The following FOXN3 variants were observed in gnomAD, a reference collection of about 807,000 sequenced individuals.
FOXN3 encodes the protein forkhead box N3.
A neutral mutation model predicts 38.4 loss-of-function variants in FOXN3; 7 were observed. The ratio of observed to expected loss-of-function variants is 0.18; its 90% CI spans 0.10 to 0.34. The LOEUF (loss-of-function observed/expected upper bound fraction) is 0.34. Among genes scored for constraint, FOXN3 ranks in the 10% least tolerant of loss-of-function variants. FOXN3 has a pLI of 1.00. For synonymous variants in FOXN3, 230 were observed against 242.2 expected, an observed-to-expected ratio of 0.95 and a Z score of 0.47; for missense variants, 456 against 613.4, an observed-to-expected ratio of 0.74 and a Z score of 2.71.
At chr14:89,237,243 C>T (rs1455219887) in intron 4 of FOXN3, among the ~76,000 whole-genome samples, 1 of 152,166 alleles carries the variant, frequency 6.6e-6, no homozygotes, top group Non-Finnish European at 1.5e-5. Flanking sequence ...ACCCCTTCAA[C>T]ATTATTATCC....
intron 1 of FOXN3, among the ~76,000 whole-genome samples, chr14:89,429,995 C>T (rs1284187364): frequency 6.6e-6 from 1 of 152,136 alleles, no homozygotes; most frequent in Admixed American, 6.5e-5. Flanking sequence ...TTTTTTACTG[C>T]CTTTAATCAA....
At chr14:89,455,900 A>G (rs1892711700) in intron 1 of FOXN3, among the ~76,000 whole-genome samples, 2 of 152,226 alleles carry the variant, frequency 1.3e-5, no homozygotes, top group Admixed American at 1.3e-4. Context: ...ATGCCAGATT[A>G]AAAAGTAACC....
At chr14:89,398,320 C>T (rs1033896594) in intron 2 of FOXN3, among the ~76,000 whole-genome samples, 7 of 152,208 alleles carry the variant, frequency 4.6e-5, no homozygotes, top group African/African-American at 1.4e-4. Context: ...TATTACCAAA[C>T]CTCCTGATCT....
chr14:89,294,575 C>G (rs144363109), intron 3 of FOXN3, among the ~76,000 whole-genome samples: 1 of 152,120 alleles, frequency 6.6e-6, no homozygotes, highest in Non-Finnish European at 1.5e-5. Flanking sequence ...AGGAGGTCGG[C>G]ACAAGATGCA....
intron 1 of FOXN3, among the ~76,000 whole-genome samples, chr14:89,606,489 T>A (rs1411498892): frequency 6.6e-6 from 1 of 152,202 alleles, no homozygotes; most frequent in African/African-American, 2.4e-5. Flanking sequence ...AAGAGAATTA[T>A]AGGACTTCTC....
At position 89,342,886 on chromosome 14, in the gene FOXN3, T is replaced by TA. The variant is rs568216552; in HGVS notation, c.680+7785dup. ...AAGTGTATTGAATATGAGGGGCATT[T>TA]AAAAAACTATTTCGGGTTTCCATCA... On this transcript the variant is annotated intron_variant, in intron 3 of 5. Transcript: ENST00000557258. Among the ~76,000 whole-genome samples, 478 of 152,344 alleles carry TA rather than the reference T, an allele frequency of 3.1e-3. 1 individual carries two copies. The highest frequency in any genetic ancestry group is 9.7e-3 in the African/African-American group (404 of 41,586).
Position 89,511,149 on chromosome 14 carries a change from C to CT in FOXN3, c.-14-98660dup, listed in dbSNP as rs60705859. 1.9e-3 allele frequency among the ~76,000 whole-genome samples: 32 copies of CT among 16,742 alleles called. 8 individuals carry two copies. The highest frequency in any genetic ancestry group is 2.9e-3 in the Admixed American group (2 of 690). The allele number at this position is 16,742 out of a possible 152,430, so 11.0% of individuals were successfully genotyped here. A position where few individuals can be genotyped will look rare whatever the true frequency, so the allele number is the denominator to read the frequency against. On this transcript the variant is annotated intron_variant, in intron 1 of 6. Transcript: ENST00000345097. ...CTTTCTTTCTTTCTTTCTTTTCTTT[C>CT]TTTCTTTCTTTCTTTCTTTCTTTCT...
intron 1 of FOXN3, among the ~76,000 whole-genome samples, chr14:89,517,539 TAAACGATC>T (rs1368047700): frequency 2.6e-5 from 4 of 152,124 alleles, no homozygotes; most frequent in Admixed American, 2.0e-4. Context: ...CTCACACTTT[TAAACGATC>T]AGATCTCACG....
At chr14:89,313,691 A>G (rs1012581033) in intron 3 of FOXN3, among the ~76,000 whole-genome samples, 1 of 152,222 alleles carries the variant, frequency 6.6e-6, no homozygotes, top group Non-Finnish European at 1.5e-5. Flanking sequence ...TTCCAATACC[A>G]ATGTCCACAG....
At chr14:89,606,734 C>G (rs1432530751) in intron 1 of FOXN3, among the ~76,000 whole-genome samples, 1 of 152,138 alleles carries the variant, frequency 6.6e-6, no homozygotes, top group Non-Finnish European at 1.5e-5. Context: ...CCTGTAATCC[C>G]AGCTACTCAG....
intron 3 of FOXN3, among the ~76,000 whole-genome samples, chr14:89,288,395 A>G (rs1293810527): frequency 1.3e-5 from 2 of 152,180 alleles, no homozygotes; most frequent in Admixed American, 6.5e-5. Context: ...TGTATGCCCA[A>G]TACCACCAGG....
At chr14:89,514,634 T>C (rs1894166564) in intron 1 of FOXN3, among the ~76,000 whole-genome samples, 1 of 152,218 alleles carries the variant, frequency 6.6e-6, no homozygotes, top group Non-Finnish European at 1.5e-5. Flanking sequence ...GTGCCCCGAC[T>C]GTCAGGACGG....
At chr14:89,428,536 T>A (rs10148621) in intron 1 of FOXN3, among the ~76,000 whole-genome samples, 28,646 of 152,198 alleles carry the variant, frequency 0.19, 2,956 homozygotes, top group South Asian at 0.34. Flanking sequence ...AAAGACGTGA[T>A]TCTGACTGGT....
intron 3 of FOXN3, among the ~76,000 whole-genome samples, chr14:89,294,314 T>A (rs1165291306): frequency 6.6e-6 from 1 of 152,158 alleles, no homozygotes; most frequent in Non-Finnish European, 1.5e-5. Context: ...CAGAGTGCTA[T>A]CAGGGGTGGG....
chr14:89,416,579 C>G (rs1406183325), intron 1 of FOXN3, among the ~76,000 whole-genome samples: 2 of 152,120 alleles, frequency 1.3e-5, no homozygotes, highest in Non-Finnish European at 2.9e-5. Flanking sequence ...CCCGGAACGG[C>G]GGGGACCCCG....
chr14:89,263,062 G>A (rs1386119005), intron 4 of FOXN3, among the ~76,000 whole-genome samples: 1 of 152,120 alleles, frequency 6.6e-6, no homozygotes, highest in Non-Finnish European at 1.5e-5. Context: ...AAGTTTTCAA[G>A]CACAATGTTT....
At chr14:89,414,647 A>C (rs553643604) in intron 1 of FOXN3, among the ~76,000 whole-genome samples, 22 of 145,760 alleles carry the variant, frequency 1.5e-4, no homozygotes, top group African/African-American at 5.6e-4. Context: ...CCTGCCTCCC[A>C]GGTTCAAGAG....
At chr14:89,509,841 T>G (rs1894020193) in intron 1 of FOXN3, among the ~76,000 whole-genome samples, 1 of 152,254 alleles carries the variant, frequency 6.6e-6, no homozygotes. Flanking sequence ...CTGCTATAAA[T>G]AGTTTTAATC....
chr14:89,414,214 G>A (rs1891630584), intron 1 of FOXN3, among the ~76,000 whole-genome samples: 1 of 152,040 alleles, frequency 6.6e-6, no homozygotes, highest in Admixed American at 6.6e-5. Context: ...CTACTTGGGA[G>A]GCTGAGGTGG....
Sources: allele counts gnomAD v4.1 joint callset (sites outside exome capture counted in the v4.1 genomes callset), GRCh38; gene constraint gnomAD v4.1.1; transcripts MANE v1.5; gene names NCBI Gene and HGNC (gene_info 2026-07-23, HGNC 2026-07-21).